SPAG9: variants seen among roughly 807,000 people sequenced by gnomAD.
SPAG9 encodes the protein sperm associated antigen 9, also known as C-Jun-amino-terminal kinase-interacting protein 4.
Under a neutral mutation model 166.5 loss-of-function variants are expected in SPAG9, and 35 were observed. The observed-to-expected ratio is 0.21, with a 90% CI of 0.16 to 0.28. SPAG9 has a LOEUF of 0.28. SPAG9 is among the 10% of genes least tolerant of loss of function. The pLI is 1.00. For missense variants in SPAG9, 1,235 were observed against 1,603.3 expected, an observed-to-expected ratio of 0.77 and a Z score of 3.92; for synonymous variants, 534 against 565.5, an observed-to-expected ratio of 0.94 and a Z score of 0.79.
chr17:51,017,548 G>C (rs2045754554), intron 8 of SPAG9, among the ~76,000 whole-genome samples: 1 of 148,032 alleles, frequency 6.8e-6, no homozygotes, highest in Non-Finnish European at 1.5e-5. Flanking sequence ...GAGAGAGAGA[G>C]AGACAGAGGG....
intron 9 of SPAG9, among the ~76,000 whole-genome samples, chr17:51,011,528 G>T (rs1393755286): frequency 6.6e-6 from 1 of 151,844 alleles, no homozygotes; most frequent in Non-Finnish European, 1.5e-5. Flanking sequence ...GATTACAGGT[G>T]CACGCCACAA....
chr17:51,087,763 G>A (rs1174999097), intron 1 of SPAG9, among the ~76,000 whole-genome samples: 1 of 151,990 alleles, frequency 6.6e-6, no homozygotes. Context: ...GAGATGAGGT[G>A]TTGTTCTGTC....
intron 1 of SPAG9, among the ~76,000 whole-genome samples, chr17:51,114,214 C>G (rs188304879): frequency 6.6e-5 from 10 of 152,012 alleles, no homozygotes; most frequent in African/African-American, 2.2e-4. Context: ...TAATCCCAAA[C>G]TACTAGGGAG....
chr17:50,995,004 G>T, intron 18 of SPAG9, 53 bp downstream of exon 18: 1 of 1,434,002 alleles, frequency 7.0e-7, no homozygotes, highest in Non-Finnish European at 9.5e-7. Flanking sequence ...TTGGATGAAA[G>T]AGTTAAACTC....
At chr17:51,076,594 G>GATGC (rs941218935) in intron 2 of SPAG9, among the ~76,000 whole-genome samples, 15 of 152,140 alleles carry the variant, frequency 9.9e-5, no homozygotes, top group African/African-American at 3.1e-4. Flanking sequence ...AAATTAGCTA[G>GATGC]GCATGGTGGT....
intron 2 of SPAG9, among the ~76,000 whole-genome samples, chr17:51,075,195 C>CAAAAAAAAA (rs57533555): frequency 1.1e-3 from 32 of 28,866 alleles, no homozygotes; most frequent in African/African-American, 1.4e-3. Context: ...GACTCCATCT[C>CAAAAAAAAA]AAAAAAAAAA....
intron 6 of SPAG9, among the ~76,000 whole-genome samples, chr17:51,025,316 CAAAAAAAAAAAAA>C (rs10549685): frequency 9.3e-4 from 57 of 61,132 alleles, no homozygotes; most frequent in East Asian, 8.4e-3. Context: ...GACTCTGTCT[CAAAAAAAAAAAAA>C]AAAAAAAAAA....
At chr17:51,112,237 C>T (rs1270651681) in intron 1 of SPAG9, among the ~76,000 whole-genome samples, 3 of 151,796 alleles carry the variant, frequency 2.0e-5, no homozygotes, top group Non-Finnish European at 4.4e-5. Flanking sequence ...GAACATTATT[C>T]GAATCGTTAA....
At chr17:50,970,246 G>C (rs558854553) in intron 29 of SPAG9, among the ~76,000 whole-genome samples, 39 of 152,210 alleles carry the variant, frequency 2.6e-4, no homozygotes, top group African/African-American at 9.4e-4. Context: ...GGCCGGGTGC[G>C]GTGGCTCGGG....
chr17:51,110,551 T>C (rs993840517), intron 1 of SPAG9, among the ~76,000 whole-genome samples: 4 of 151,950 alleles, frequency 2.6e-5, no homozygotes, highest in African/African-American at 9.7e-5. Flanking sequence ...TAGCTGGGCG[T>C]GGTGGTGTAC....
chr17:51,005,114 A>C (rs1197724837), intron 12 of SPAG9, 98 bp downstream of exon 12: 12 of 1,004,514 alleles, frequency 1.2e-5, no homozygotes, highest in Non-Finnish European at 1.8e-5. Flanking sequence ...ACTTTTAAAA[A>C]TCTTTATAGT....
intron 1 of SPAG9, among the ~76,000 whole-genome samples, chr17:51,116,040 T>C (rs1568102841): frequency 7.1e-6 from 1 of 140,648 alleles, no homozygotes; most frequent in Non-Finnish European, 1.5e-5. Flanking sequence ...CAGAAGTTTC[T>C]TTTTTTTTTC....
At chr17:51,113,087 C>G (rs745366809) in intron 1 of SPAG9, among the ~76,000 whole-genome samples, 1 of 151,814 alleles carries the variant, frequency 6.6e-6, no homozygotes, top group Non-Finnish European at 1.5e-5. Context: ...GGCGTGGTGG[C>G]TCACACCCAT....
At chr17:51,020,613 T>G (rs373417526) in intron 7 of SPAG9, among the ~76,000 whole-genome samples, 102 of 152,318 alleles carry the variant, frequency 6.7e-4, no homozygotes, top group African/African-American at 2.4e-3. Context: ...GTCTTTTGGG[T>G]TCTGTGACCT....
Position 50,999,708 on chromosome 17 carries a change from T to C in SPAG9, c.1617A>G (p.Arg539=), listed in dbSNP as rs1487109002. 6.2e-7 allele frequency: 1 copy of C among 1,613,228 alleles called. No homozygotes were observed. Among genetic ancestry groups the C allele is most frequent in the South Asian group, 1.1e-5 (1 of 90,988 alleles). Residue 539 remains arginine (R), a synonymous_variant, in exon 14 of 30, where the codon CGA becomes CGG. Transcript: ENST00000262013. Reference sequence around the variant, plus strand: ...TTTTTTCCTGCATGGCTGGATTTTCTCGTGATGCCCTACATTCAAAAAGAA... The same window carrying C: ...TTTTTTCCTGCATGGCTGGATTTTCCCGTGATGCCCTACATTCAAAAAGAA... ...VRWTEMIRAS[R]ENPAMQEKKR... is the part of the protein sequence containing the mutation.
intron 1 of SPAG9, among the ~76,000 whole-genome samples, chr17:51,100,992 A>T (rs997514462): frequency 1.3e-5 from 2 of 152,156 alleles, no homozygotes; most frequent in Non-Finnish European, 2.9e-5. Flanking sequence ...TCCAAATTAC[A>T]TCAAACAAGT....
chr17:51,115,628 C>T (rs1302449674), intron 1 of SPAG9, among the ~76,000 whole-genome samples: 1 of 151,686 alleles, frequency 6.6e-6, no homozygotes, highest in Non-Finnish European at 1.5e-5. Context: ...GTCAGGAGTT[C>T]AAGACCAGCC....
intron 2 of SPAG9, among the ~76,000 whole-genome samples, chr17:51,077,081 TCTAGCTAG>T (rs1230111197): frequency 1.8e-5 from 2 of 109,624 alleles, no homozygotes; most frequent in Admixed American, 8.6e-5. Flanking sequence ...TATCTAGCTA[TCTAGCTAG>T]CTATCTATCT....
At chr17:51,039,995 G>A (rs926416019) in intron 5 of SPAG9, among the ~76,000 whole-genome samples, 6 of 152,142 alleles carry the variant, frequency 3.9e-5, no homozygotes, top group African/African-American at 1.4e-4. Flanking sequence ...AGCACTTTGG[G>A]AGGCTGAGGC....
Sources: gnomAD v4.1 joint callset for allele counts (sites outside exome capture counted in the v4.1 genomes callset) on GRCh38, gnomAD v4.1.1 for gene constraint, MANE v1.5 for transcripts, NCBI Gene and HGNC (gene_info 2026-07-23, HGNC 2026-07-21) for gene names.